The following DLGAP1 variants were observed in gnomAD, a reference collection of about 807,000 sequenced individuals.
DLGAP1 encodes disks large-associated protein 1.
In DLGAP1, 11 loss-of-function variants were observed where a neutral mutation model predicts 90.8. That is an observed-to-expected ratio of 0.12 (90% confidence interval 0.08 to 0.20). The LOEUF (loss-of-function observed/expected upper bound fraction) is 0.20, where lower values mean the gene tolerates loss of function less well. DLGAP1 is among the 10% of genes least tolerant of loss of function. The pLI, the probability that DLGAP1 is intolerant of heterozygous loss-of-function variation, is 1.00. For missense variants in DLGAP1, 1,050 were observed against 1,333.8 expected, an observed-to-expected ratio of 0.79 and a Z score of 3.31; for synonymous variants, 558 against 540.7, an observed-to-expected ratio of 1.03 and a Z score of -0.44.
At chr18:3,576,209 C>T (rs979694627) in intron 8 of DLGAP1, among the ~76,000 whole-genome samples, 1 of 151,704 alleles carries the variant, frequency 6.6e-6, no homozygotes, top group Non-Finnish European at 1.5e-5. Flanking sequence ...TTTCCACCTT[C>T]TTCTGGCATC....
At chr18:3,895,309 A>AT (rs2071591081) in intron 3 of DLGAP1, among the ~76,000 whole-genome samples, 2 of 151,050 alleles carry the variant, frequency 1.3e-5, no homozygotes, top group African/African-American at 4.9e-5. Context: ...ACACACACAC[A>AT]CACACACACA....
At chr18:3,612,896 C>T (rs1174102664) in intron 7 of DLGAP1, among the ~76,000 whole-genome samples, 1 of 151,910 alleles carries the variant, frequency 6.6e-6, no homozygotes, top group East Asian at 1.9e-4. Flanking sequence ...GGCTGGAGTA[C>T]AATGGTGCAA....
chr18:4,361,485 CA>C, intron 1 of DLGAP1, among the ~76,000 whole-genome samples: 1 of 152,220 alleles, frequency 6.6e-6, no homozygotes, highest in South Asian at 2.1e-4. Flanking sequence ...ACAAGGGTGC[CA>C]AGACCATTCA....
intron 3 of DLGAP1, among the ~76,000 whole-genome samples, chr18:3,880,944 GAA>G (rs1173817359): frequency 3.1e-3 from 120 of 38,372 alleles, no homozygotes; most frequent in African/African-American, 0.01. Context: ...CTCCATCTCA[GAA>G]AAAAAAAAAA....
At chr18:3,664,218 C>CACACCCACCCACA (rs1555620386) in intron 7 of DLGAP1, among the ~76,000 whole-genome samples, 4 of 75,774 alleles carry the variant, frequency 5.3e-5, no homozygotes, top group African/African-American at 2.3e-4. Flanking sequence ...ACACACACAC[C>CACACCCACCCACA]CACACACACA....
chr18:3,701,024 G>C (rs1030641170), intron 7 of DLGAP1, among the ~76,000 whole-genome samples: 6 of 152,162 alleles, frequency 3.9e-5, no homozygotes, highest in African/African-American at 1.4e-4. Flanking sequence ...GACTACAGGA[G>C]TGCACTCTGC....
At chr18:3,977,332 A>G (rs752280786) in intron 3 of DLGAP1, among the ~76,000 whole-genome samples, 2 of 152,074 alleles carry the variant, frequency 1.3e-5, no homozygotes, top group African/African-American at 2.4e-5. Context: ...TTGGCCTCTC[A>G]AAGTGCTGGG....
intron 1 of DLGAP1, among the ~76,000 whole-genome samples, chr18:4,230,636 G>C (rs191822703): frequency 1.2e-3 from 187 of 150,948 alleles, no homozygotes; most frequent in Non-Finnish European, 1.9e-3. Flanking sequence ...ATGCTGGGAA[G>C]TGGAAGGTGG....
intron 1 of DLGAP1, among the ~76,000 whole-genome samples, chr18:4,368,761 T>C (rs1359015796): frequency 1.1e-5 from 1 of 93,100 alleles, no homozygotes; most frequent in Non-Finnish European, 2.2e-5. Context: ...GATAGTATAA[T>C]ATTACTAAAG....
At chr18:3,820,468 T>C (rs950654721) in intron 4 of DLGAP1, among the ~76,000 whole-genome samples, 4 of 152,150 alleles carry the variant, frequency 2.6e-5, no homozygotes, top group African/African-American at 9.7e-5. Flanking sequence ...CAAGGAAAAG[T>C]AGCAATTGAA....
At chr18:4,314,626 T>G (rs948776217) in intron 1 of DLGAP1, among the ~76,000 whole-genome samples, 8 of 152,220 alleles carry the variant, frequency 5.3e-5, no homozygotes, top group African/African-American at 1.9e-4. Context: ...AGAACCAGGC[T>G]TGTTGGCCTT....
chr18:3,503,697 T>C (rs2050065096), intron 11 of DLGAP1, among the ~76,000 whole-genome samples: 1 of 152,158 alleles, frequency 6.6e-6, no homozygotes, highest in Non-Finnish European at 1.5e-5. Context: ...ATAAAAATGA[T>C]ATCAGAATTT....
intron 9 of DLGAP1, among the ~76,000 whole-genome samples, chr18:3,554,936 T>G (rs1397304808): frequency 6.6e-6 from 1 of 152,198 alleles, no homozygotes; most frequent in African/African-American, 2.4e-5. Flanking sequence ...TCTCACTTTT[T>G]GTTAGGTTGC....
chr18:3,856,808 C>T (rs1407414204), intron 4 of DLGAP1, among the ~76,000 whole-genome samples: 1 of 151,872 alleles, frequency 6.6e-6, no homozygotes, highest in African/African-American at 2.4e-5. Context: ...TTGCAGTGAG[C>T]CGAGATTCCG....
intron 4 of DLGAP1, among the ~76,000 whole-genome samples, chr18:3,834,164 G>A (rs1378675185): frequency 6.6e-6 from 1 of 151,872 alleles, no homozygotes; most frequent in African/African-American, 2.4e-5. Flanking sequence ...AAATTAGCCG[G>A]GTGTGGTGGC....
At chr18:4,295,021 G>A (rs2079942446) in intron 1 of DLGAP1, 1 of 152,328 alleles carries the variant, frequency 6.6e-6, no homozygotes, top group Admixed American at 6.5e-5. Flanking sequence ...TGCTCCTGGA[G>A]CCTGGGGTTC....
At chr18:4,029,148 T>G (rs2074751967) in intron 2 of DLGAP1, among the ~76,000 whole-genome samples, 2 of 152,336 alleles carry the variant, frequency 1.3e-5, no homozygotes, top group South Asian at 4.1e-4. Context: ...CTTAGCATAA[T>G]GTCCTGTGGG....
At chr18:4,426,290 GAT>G (rs1472208723) in intron 1 of DLGAP1, among the ~76,000 whole-genome samples, 1 of 152,162 alleles carries the variant, frequency 6.6e-6, no homozygotes, top group South Asian at 2.1e-4. Flanking sequence ...GATAGAAGAA[GAT>G]ATCTTCCCCT....
chr18:4,218,786 T>A (rs189929657), intron 1 of DLGAP1, among the ~76,000 whole-genome samples: 8 of 150,916 alleles, frequency 5.3e-5, no homozygotes, highest in Admixed American at 2.7e-4. Context: ...GTCTGTTGTG[T>A]GTATATACTT....
Sources: gnomAD v4.1 joint callset for allele counts (sites outside exome capture counted in the v4.1 genomes callset) on GRCh38, gnomAD v4.1.1 for gene constraint, MANE v1.5 for transcripts, NCBI Gene and HGNC (gene_info 2026-07-23, HGNC 2026-07-21) for gene names.